Variants in FBXO38 observed in about 807,000 individuals in gnomAD.
The protein encoded by FBXO38 is F-box protein 38, also known as F-box only protein 38.
A neutral mutation model predicts 131.9 loss-of-function variants in FBXO38; 53 were observed. The observed-to-expected ratio is 0.40, with a 90% confidence interval of 0.32 to 0.51. The LOEUF (loss-of-function observed/expected upper bound fraction) is 0.51, where lower values mean the gene tolerates loss of function less well. FBXO38 is among the 20% of genes least tolerant of loss of function. FBXO38 has a pLI of 0.53. For missense variants in FBXO38, 1,076 were observed against 1,475.6 expected, an observed-to-expected ratio of 0.73 and a Z score of 4.44; for synonymous variants, 452 against 505.6, an observed-to-expected ratio of 0.89 and a Z score of 1.42.
intron 17 of FBXO38, among the ~76,000 whole-genome samples, chr5:148,438,115 AAATCTT>A (rs1416723239): frequency 1.3e-5 from 2 of 152,172 alleles, no homozygotes; most frequent in Non-Finnish European, 2.9e-5. Context: ...CTTAACAGTA[AAATCTT>A]AGAAAAAGGC....
At chr5:148,393,990 C>T (rs1758347284) in intron 1 of FBXO38, among the ~76,000 whole-genome samples, 1 of 152,108 alleles carries the variant, frequency 6.6e-6, no homozygotes, top group Non-Finnish European at 1.5e-5. Context: ...TCTTTTCTTT[C>T]TCTTTTCATC....
At chr5:148,432,945 A>G (rs1450600818) in intron 15 of FBXO38, among the ~76,000 whole-genome samples, 1 of 152,246 alleles carries the variant, frequency 6.6e-6, no homozygotes, top group Non-Finnish European at 1.5e-5. Flanking sequence ...TGTTCTGGGC[A>G]GAAGGAGCTA....
At chr5:148,415,826 TA>T (rs1484676437) in intron 10 of FBXO38, 101 bp from the exon 11 acceptor site, 67 of 1,254,566 alleles carry the variant, frequency 5.3e-5, no homozygotes, top group South Asian at 1.2e-4. Context: ...AAAGTTATTT[TA>T]AAAAAAAGGA....
At chr5:148,425,459 GT>G in intron 13 of FBXO38, 62 bp from the exon 14 acceptor site, 1 of 1,299,870 alleles carries the variant, frequency 7.7e-7, no homozygotes, top group South Asian at 1.3e-5. Context: ...CCTGGAAACA[GT>G]ACTTTGCATT....
At chr5:148,392,194 G>A (rs1356154320) in intron 1 of FBXO38, among the ~76,000 whole-genome samples, 7 of 152,076 alleles carry the variant, frequency 4.6e-5, no homozygotes, top group Non-Finnish European at 7.3e-5. Flanking sequence ...AGCCATTTCC[G>A]TAGTGCACGT....
At chr5:148,389,857 C>T (rs577191611) in intron 1 of FBXO38, 2 of 151,922 alleles carry the variant, frequency 1.3e-5, no homozygotes, top group African/African-American at 4.8e-5. Context: ...GGTGAAATGC[C>T]GTCTCTACTA....
intron 1 of FBXO38, 113 bp from the exon 2 acceptor site, chr5:148,394,601 T>C (rs1758378359): frequency 2.6e-6 from 1 of 382,688 alleles, no homozygotes. Context: ...TTGAATGTGA[T>C]GTGTACCATT....
intron 1 of FBXO38, among the ~76,000 whole-genome samples, chr5:148,388,040 C>T (rs1758008358): frequency 6.6e-6 from 1 of 152,084 alleles, no homozygotes; most frequent in African/African-American, 2.4e-5. Flanking sequence ...AGTTCTTGAT[C>T]TAGTTGATCT....
chr5:148,414,460 A>C (rs768109698), intron 10 of FBXO38, among the ~76,000 whole-genome samples, 154 bp downstream of exon 10: 1 of 152,184 alleles, frequency 6.6e-6, no homozygotes, highest in Non-Finnish European at 1.5e-5. Flanking sequence ...TTTGATAACC[A>C]AGTTGGAAGT....
At chr5:148,425,784 G>A in intron 14 of FBXO38, 83 bp downstream of exon 14, 1 of 1,184,970 alleles carries the variant, frequency 8.4e-7, no homozygotes, top group Non-Finnish European at 1.2e-6. Context: ...CAACTTGGGT[G>A]CAGTTAACAT....
intron 9 of FBXO38, among the ~76,000 whole-genome samples, chr5:148,412,234 C>A (rs113616937): frequency 7.2e-5 from 11 of 152,214 alleles, no homozygotes; most frequent in African/African-American, 2.6e-4. Flanking sequence ...CCATTTCTTC[C>A]ATATGCATAC....
chr5:148,414,387 A>T, intron 10 of FBXO38, 81 bp downstream of exon 10: 1 of 1,205,736 alleles, frequency 8.3e-7, no homozygotes, highest in Non-Finnish European at 1.2e-6. Context: ...GTGTGATATG[A>T]TTGCATTCCT....
chr5:148,421,844 A>G (rs1753453264), intron 12 of FBXO38, among the ~76,000 whole-genome samples: 1 of 152,212 alleles, frequency 6.6e-6, no homozygotes, highest in South Asian at 2.1e-4. Context: ...AATCACTTGT[A>G]TCTTCACTAG....
chr5:148,433,506 C>T lies in FBXO38; in HGVS notation c.2736C>T (p.Ile912=), dbSNP rs142105545. 4.5e-5 allele frequency: 72 copies of T among 1,612,620 alleles called. No homozygotes were observed. In the African/African-American group the frequency reaches 5.7e-4, roughly 13 times the overall value. The change falls in exon 16 of 22, where the codon ATC becomes ATT. Residue 912 remains isoleucine, a synonymous_variant. Transcript: ENST00000340253. ...CCACTAGTACAAGTGATCCTGTGAT[C>T]GAGGATGACCATGTGCAGGTAGAGA... ...DKSTSTSDPV[I]EDDHVQVLVL... is the part of the protein sequence containing the mutation.
rs1752924212 is a variant in FBXO38, at chr5:148,414,165, T to C, written c.1123T>C (p.Tyr375His). The C allele has an allele frequency of 1.2e-6, 2 of 1,610,918 alleles. No individual in the cohort carries two copies. The highest frequency in any genetic ancestry group is 8.5e-7 in the Non-Finnish European group (1 of 1,179,026). The part of the protein sequence containing the change: ...SRMANADLVK[Y>H]GLADVVENPG... ...AATGGCTAATGCGGATCTGGTGAAG[T>C]ATGGTTTGGCTGATGTGGTAGAAAA... Residue 375 changes from tyrosine (Y) to histidine (H), a missense_variant, in exon 10 of 22, where the codon TAT becomes CAT. Physicochemically the swap from Tyr to His is moderately conservative, Grantham distance 83. Transcript: ENST00000340253.
At chr5:148,392,648 G>A (rs1758262721) in intron 1 of FBXO38, among the ~76,000 whole-genome samples, 1 of 150,378 alleles carries the variant, frequency 6.6e-6, no homozygotes, top group Non-Finnish European at 1.5e-5. Context: ...CCTTGGGAAT[G>A]AGTACAATTG....
chr5:148,389,493 A>G (rs774232332), intron 1 of FBXO38, among the ~76,000 whole-genome samples: 1 of 152,166 alleles, frequency 6.6e-6, no homozygotes, highest in Non-Finnish European at 1.5e-5. Context: ...TCTTTCTCTA[A>G]TGCCGATAAC....
In FBXO38 at chr5:148,425,641, C is replaced by T. The variant is rs539397614; in HGVS notation, c.1858C>T (p.Arg620Trp). 1.1e-4 allele frequency: 179 copies of T among 1,613,974 alleles called. No individual in the cohort carries two copies. Among genetic ancestry groups the T allele is most frequent in the Admixed American group, 1.3e-4 (8 of 60,020 alleles). ...AGTCTGGATTCCTAAGAACGGTACTCGGCGTTACTCTGAACGTGAAGAAAA... is the reference window on the plus strand; with the variant it reads ...AGTCTGGATTCCTAAGAACGGTACTTGGCGTTACTCTGAACGTGAAGAAAA... ...QEVWIPKNGT[R>W]RYSEREEKTG... Residue 620 changes from arginine (R) to tryptophan (W), a missense_variant, in exon 14 of 22, where the codon CGG (arginine) becomes TGG (tryptophan). By Grantham distance (101) the Arg-to-Trp change is moderately radical. Around this residue, in one of 8 missense-constraint regions of FBXO38, gnomAD observed 212 missense variants for 221.2 expected, o/e 0.96. Coordinates refer to ENST00000340253, the MANE Select transcript of FBXO38 (RefSeq NM_205836.3).
Position 148,416,989 on chromosome 5 carries a change from C to A in FBXO38, c.1408-5C>A. Reference sequence around the variant, plus strand: ...ATAAACGTATGTGTTTTGGTTTTGCCTTAGGGTTGTGCTCGAGTTGGTCTG... The same window carrying A: ...ATAAACGTATGTGTTTTGGTTTTGCATTAGGGTTGTGCTCGAGTTGGTCTG... On this transcript the variant is annotated splice_region_variant and splice_polypyrimidine_tract_variant and intron_variant, in intron 11 of 21. Transcript: ENST00000340253. 1 of 1,611,454 alleles carries A rather than the reference C, an allele frequency of 6.2e-7. No individual in the cohort carries two copies.
Sources: gnomAD v4.1 joint callset for allele counts (sites outside exome capture counted in the v4.1 genomes callset) on GRCh38, gnomAD v4.1.1 for gene constraint, gnomAD v4.1.1 regional missense constraint, MANE v1.5 for transcripts, NCBI Gene and HGNC (gene_info 2026-07-23, HGNC 2026-07-21) for gene names.